EDA: variants seen among roughly 807,000 people sequenced by gnomAD.
EDA encodes ectodysplasin-A.
A neutral mutation model predicts 23.6 loss-of-function variants in EDA; 2 were observed. The observed-to-expected ratio is 0.08, with a 90% CI of 0.03 to 0.27. The LOEUF (loss-of-function observed/expected upper bound fraction) is 0.27. Ranked by LOEUF, EDA falls within the 10% of genes least tolerant of loss-of-function variation. The probability of loss-of-function intolerance (pLI) is 1.00; values close to 1 mark genes in which losing one functional copy is unlikely to be tolerated. For synonymous variants in EDA, 131 were observed against 132.0 expected (o/e 0.99, Z 0.05); for missense variants, 229 against 324.2 (o/e 0.71, Z 2.26).
rs751125310 is a variant in EDA, at chrX:69,820,110, C to T, written c.397-136917C>T. On this transcript the variant is annotated intron_variant, in intron 1 of 7. Transcript: ENST00000374552. ...TACTGCACACCTACAACCATTTGAT[C>T]TTTGACAAACTTGACAAAAACTAGC... 1.6e-4 allele frequency among the ~76,000 whole-genome samples: 18 copies of T among 111,206 alleles called. No individual in the cohort carries two copies. The Admixed American group carries it at 1.6e-3, about 10-fold the overall frequency.
chrX:69,781,724 A>G (rs749634389), intron 1 of EDA, among the ~76,000 whole-genome samples: 14 of 111,472 alleles, frequency 1.3e-4, no homozygotes. Context: ...ACTTAAAACA[A>G]AGTATACTTG....
intron 1 of EDA, among the ~76,000 whole-genome samples, chrX:69,681,081 A>C (rs1161945266): frequency 1.8e-5 from 2 of 109,941 alleles, no homozygotes; most frequent in Non-Finnish European, 3.8e-5. Flanking sequence ...TCACTTATGA[A>C]GCTTAGTTTG....
At chrX:69,785,521 A>C (rs371848813) in intron 1 of EDA, among the ~76,000 whole-genome samples, 31,363 of 108,236 alleles carry the variant, frequency 0.29, 4,707 homozygotes, top group Middle Eastern at 0.53. Context: ...GAATTTTGTC[A>C]AAGGCCTTTT....
At chrX:69,746,511 AT>A (rs199541239) in intron 1 of EDA, among the ~76,000 whole-genome samples, 2,792 of 111,065 alleles carry the variant, frequency 0.025, 77 homozygotes, top group African/African-American at 0.088. Context: ...GACTTCTATT[AT>A]TCTCTGATTT....
chrX:69,708,325 C>T (rs2011819558), intron 1 of EDA, among the ~76,000 whole-genome samples: 1 of 111,630 alleles, frequency 9.0e-6, no homozygotes, highest in South Asian at 3.8e-4. Context: ...CAGTTAGCTA[C>T]CTGCAGTTGA....
intron 1 of EDA, among the ~76,000 whole-genome samples, chrX:69,658,212 T>TTTTGTGTGTG (rs796336405): frequency 4.4e-5 from 4 of 90,894 alleles, no homozygotes; most frequent in African/African-American, 1.7e-4. Context: ...TCCTAGGTAT[T>TTTTGTGTGTG]TGTGTGTGTG....
chrX:69,946,166 G>A (rs2018830972), intron 1 of EDA, among the ~76,000 whole-genome samples: 2 of 111,149 alleles, frequency 1.8e-5, no homozygotes, highest in South Asian at 3.8e-4. Context: ...CCCAATCCTC[G>A]GGTTTGTTTC....
At chrX:69,972,770 T>C (rs1401019350) in intron 2 of EDA, among the ~76,000 whole-genome samples, 2 of 111,800 alleles carry the variant, frequency 1.8e-5, no homozygotes, top group Non-Finnish European at 3.8e-5. Flanking sequence ...TGTAAAGCCC[T>C]GGGCAAATCT....
At chrX:69,739,588 A>C (rs2013383163) in intron 1 of EDA, among the ~76,000 whole-genome samples, 1 of 110,577 alleles carries the variant, frequency 9.0e-6, no homozygotes, top group African/African-American at 3.3e-5. Flanking sequence ...TTTTGAATTA[A>C]ATGAATATTT....
chrX:69,712,671 T>G (rs77888574), intron 1 of EDA, among the ~76,000 whole-genome samples: 36,747 of 109,931 alleles, frequency 0.33, 5,239 homozygotes, highest in Middle Eastern at 0.57. Context: ...CAGGGATCTA[T>G]AACTAGAAAT....
intron 1 of EDA, among the ~76,000 whole-genome samples, chrX:69,696,216 G>T (rs2011338901): frequency 9.7e-6 from 1 of 102,716 alleles, no homozygotes; most frequent in Non-Finnish European, 2.0e-5. Flanking sequence ...TCCAGCCTGG[G>T]CAATAAGAGC....
intron 1 of EDA, among the ~76,000 whole-genome samples, chrX:69,672,202 T>G (rs1231930716): frequency 1.8e-5 from 2 of 111,284 alleles, no homozygotes; most frequent in Non-Finnish European, 3.8e-5. Context: ...TTTAGAGTTG[T>G]GGGGGGGACT....
At chrX:69,746,111 T>C (rs1239590041) in intron 1 of EDA, among the ~76,000 whole-genome samples, 2 of 111,238 alleles carry the variant, frequency 1.8e-5, no homozygotes, top group Admixed American at 1.9e-4. Flanking sequence ...TTGCTCTCAT[T>C]CTCTCTTTTG....
intron 1 of EDA, among the ~76,000 whole-genome samples, chrX:69,632,349 T>C (rs1182371258): frequency 1.8e-5 from 2 of 111,957 alleles, no homozygotes; most frequent in African/African-American, 6.5e-5. Flanking sequence ...ACCTCAAGTC[T>C]CTTGACTCTC....
intron 1 of EDA, among the ~76,000 whole-genome samples, chrX:69,847,778 A>G (rs1489733822): frequency 2.7e-5 from 3 of 111,689 alleles, no homozygotes; most frequent in African/African-American, 9.8e-5. Flanking sequence ...ACATTGATGT[A>G]CAGGTTTTTA....
At chrX:69,662,200 T>C (rs1933533213) in intron 1 of EDA, among the ~76,000 whole-genome samples, 1 of 111,892 alleles carries the variant, frequency 8.9e-6, no homozygotes, top group African/African-American at 3.3e-5. Context: ...TTTAAGATTC[T>C]GCATATAAGT....
At chrX:69,624,870 C>G (rs1208671423) in intron 1 of EDA, among the ~76,000 whole-genome samples, 8 of 109,957 alleles carry the variant, frequency 7.3e-5, no homozygotes, top group Non-Finnish European at 1.5e-4. Context: ...AACAGCCTCT[C>G]TCAGTTTTCT....
chrX:69,662,228 T>C (rs1933534657), intron 1 of EDA, among the ~76,000 whole-genome samples: 1 of 111,733 alleles, frequency 8.9e-6, no homozygotes, highest in African/African-American at 3.3e-5. Flanking sequence ...TGTGATATGG[T>C]TTGGCTGTGT....
At chrX:69,785,165 T>C (rs1477948304) in intron 1 of EDA, among the ~76,000 whole-genome samples, 1 of 100,798 alleles carries the variant, frequency 9.9e-6, no homozygotes, top group Admixed American at 1.1e-4. Context: ...TTTGCTGAAG[T>C]TGCTTATCAG....
Sources: allele counts gnomAD v4.1 joint callset (sites outside exome capture counted in the v4.1 genomes callset), GRCh38; gene constraint gnomAD v4.1.1; transcripts MANE v1.5; gene names NCBI Gene and HGNC (gene_info 2026-07-23, HGNC 2026-07-21).